The following CNTLN variants were observed in gnomAD, a reference collection of about 807,000 sequenced individuals.
The protein encoded by CNTLN is centlein, centrosomal protein.
Under a neutral mutation model 180.0 loss-of-function variants are expected in CNTLN, and 212 were observed. The observed-to-expected ratio is 1.18, with a 90% confidence interval of 1.05 to 1.32. The LOEUF is 1.32. Ranked by LOEUF, CNTLN falls within the 40% of genes most tolerant of loss-of-function variation. CNTLN has a pLI of 0.00. For missense variants in CNTLN, 2,095 were observed against 1,610.9 expected (o/e 1.30, Z -5.14); for synonymous variants, 722 against 563.1 (o/e 1.28, Z -3.99).
intron 21 of CNTLN, among the ~76,000 whole-genome samples, chr9:17,464,885 T>G (rs1416492554): frequency 6.6e-6 from 1 of 151,272 alleles, no homozygotes; most frequent in Non-Finnish European, 1.5e-5. Context: ...TCAATATTTC[T>G]AGGATACATA....
chr9:17,338,908 A>T (rs1210370167), intron 10 of CNTLN, among the ~76,000 whole-genome samples: 1 of 152,190 alleles, frequency 6.6e-6, no homozygotes, highest in African/African-American at 2.4e-5. Context: ...TACGTGTAAT[A>T]GACTCTTCAT....
chr9:17,440,205 G>A (rs1257607737), intron 18 of CNTLN, among the ~76,000 whole-genome samples: 1 of 152,002 alleles, frequency 6.6e-6, no homozygotes, highest in East Asian at 1.9e-4. Flanking sequence ...GAAATGGTTT[G>A]ACAGATCCTC....
intron 25 of CNTLN, among the ~76,000 whole-genome samples, chr9:17,498,045 G>C (rs1332908148): frequency 2.6e-5 from 4 of 151,912 alleles, no homozygotes; most frequent in Non-Finnish European, 4.4e-5. Flanking sequence ...TATAACTCTA[G>C]ATAAAAGTCA....
chr9:17,438,723 G>A (rs542819123), intron 18 of CNTLN, among the ~76,000 whole-genome samples: 22 of 152,240 alleles, frequency 1.4e-4, no homozygotes, highest in Non-Finnish European at 2.8e-4. Flanking sequence ...AAATTTAGGG[G>A]ATAAGCCTGG....
chr9:17,327,662 A>G (rs775507910), intron 8 of CNTLN, among the ~76,000 whole-genome samples: 24 of 152,114 alleles, frequency 1.6e-4, no homozygotes, highest in Admixed American at 1.2e-3. Context: ...TCTATTTTGA[A>G]AAGCATTTAG....
At chr9:17,141,561 T>C (rs1241051908) in intron 1 of CNTLN, among the ~76,000 whole-genome samples, 3 of 152,134 alleles carry the variant, frequency 2.0e-5, no homozygotes. Context: ...TGGAGTCTTG[T>C]AGCCTTGACA....
chr9:17,491,867 G>T (rs901678728), intron 25 of CNTLN, among the ~76,000 whole-genome samples: 1 of 148,394 alleles, frequency 6.7e-6, no homozygotes, highest in Admixed American at 6.6e-5. Context: ...CAGTGGGAAG[G>T]GTTTTATAAA....
chr9:17,327,272 C>T (rs1421004879), intron 8 of CNTLN, among the ~76,000 whole-genome samples: 10 of 103,966 alleles, frequency 9.6e-5, no homozygotes, highest in South Asian at 6.8e-4. Context: ...AGGGCAGTGG[C>T]GCAATCTTGG....
At chr9:17,234,876 C>T (rs1587275200) in intron 3 of CNTLN, among the ~76,000 whole-genome samples, 1 of 152,218 alleles carries the variant, frequency 6.6e-6, no homozygotes, top group East Asian at 1.9e-4. Flanking sequence ...ATATGGATTT[C>T]ATTTTTAGTA....
intron 8 of CNTLN, among the ~76,000 whole-genome samples, chr9:17,319,357 G>C (rs1257046918): frequency 6.6e-6 from 1 of 152,214 alleles, no homozygotes; most frequent in African/African-American, 2.4e-5. Flanking sequence ...AGGTCAGGCT[G>C]ATGGAGCTGG....
chr9:17,494,798 A>G (rs1833358805), intron 25 of CNTLN: 2 of 352,792 alleles, frequency 5.7e-6, no homozygotes, highest in African/African-American at 4.4e-5. Flanking sequence ...AGTATAGCGT[A>G]TACAATTATG....
intron 7 of CNTLN, among the ~76,000 whole-genome samples, chr9:17,308,730 A>G (rs949014141): frequency 6.6e-6 from 1 of 151,930 alleles, no homozygotes; most frequent in East Asian, 1.9e-4. Flanking sequence ...CATGATTAAT[A>G]CAGCTAGCTT....
intron 2 of CNTLN, among the ~76,000 whole-genome samples, chr9:17,150,215 A>C (rs1818761206): frequency 6.6e-6 from 1 of 152,158 alleles, no homozygotes; most frequent in Non-Finnish European, 1.5e-5. Flanking sequence ...TTGGACATGA[A>C]GTCTTTGCCC....
At chr9:17,447,833 C>T (rs1330796886) in intron 18 of CNTLN, 1 of 153,042 alleles carries the variant, frequency 6.5e-6, no homozygotes, top group Non-Finnish European at 1.5e-5. Flanking sequence ...CCTTAAGTGA[C>T]AGCCCAGGTC....
chr9:17,139,673 G>A (rs972297916), intron 1 of CNTLN, among the ~76,000 whole-genome samples: 14 of 151,828 alleles, frequency 9.2e-5, no homozygotes, highest in African/African-American at 3.4e-4. Flanking sequence ...AAAAAAAAAG[G>A]AATTTTATAG....
At chr9:17,499,990 G>A (rs1015372615) in intron 25 of CNTLN, among the ~76,000 whole-genome samples, 6 of 152,098 alleles carry the variant, frequency 3.9e-5, no homozygotes, top group African/African-American at 1.4e-4. Context: ...TAAGATATAT[G>A]AAATTTTGTC....
intron 25 of CNTLN, among the ~76,000 whole-genome samples, chr9:17,493,665 A>G (rs1833291054): frequency 6.6e-6 from 1 of 152,224 alleles, no homozygotes; most frequent in Non-Finnish European, 1.5e-5. Context: ...TGCAGAAAAT[A>G]GAACAAGATA....
chr9:17,422,399 C>G (rs993356758), intron 18 of CNTLN, among the ~76,000 whole-genome samples: 1 of 152,010 alleles, frequency 6.6e-6, no homozygotes, highest in Admixed American at 6.6e-5. Flanking sequence ...AATTCTATCA[C>G]CCTCTGATAC....
chr9:17,458,406 C>T (rs1831261456), intron 19 of CNTLN, among the ~76,000 whole-genome samples: 1 of 151,770 alleles, frequency 6.6e-6, no homozygotes, highest in African/African-American at 2.4e-5. Context: ...TTATTTTCTT[C>T]AGTGGGGATT....
Sources: allele counts gnomAD v4.1 joint callset (sites outside exome capture counted in the v4.1 genomes callset), GRCh38; gene constraint gnomAD v4.1.1; transcripts MANE v1.5; gene names NCBI Gene and HGNC (gene_info 2026-07-23, HGNC 2026-07-21).